The following RIF1 variants were observed in gnomAD, a reference collection of about 807,000 sequenced individuals.
The protein encoded by RIF1 is replication timing regulatory factor 1, also known as telomere-associated protein RIF1.
In RIF1, 45 loss-of-function variants were observed where a neutral mutation model predicts 247.1. The observed-to-expected ratio is 0.18, with a 90% confidence interval of 0.14 to 0.23. The LOEUF (loss-of-function observed/expected upper bound fraction) is 0.23, where lower values mean the gene tolerates loss of function less well. Among genes scored for constraint, RIF1 ranks in the 10% least tolerant of loss-of-function variants. The pLI is 1.00. For synonymous variants in RIF1, 1,087 were observed against 978.8 expected (o/e 1.11, Z -2.06); for missense variants, 2,967 against 2,862.5 (o/e 1.04, Z -0.83).
At chr2:151,501,015 C>T (rs906943880) in intron 11 of RIF1, among the ~76,000 whole-genome samples, 23 of 152,152 alleles carry the variant, frequency 1.5e-4, no homozygotes, top group Admixed American at 3.9e-4. Context: ...GCCACCATTT[C>T]TATATGTGGC....
In RIF1 at chr2:151,463,216, T is replaced by C. The variant is rs767094442; in HGVS notation, c.3696T>C (p.Asn1232=). Residue 1232 remains asparagine, a synonymous_variant, in exon 30 of 36, where the codon AAT becomes AAC. Transcript: ENST00000444746. ...ITLEKFDGSE[N]RPFSPSPLNN... Reference sequence around the variant, plus strand: ...TGGAGAAGTTTGATGGTTCAGAAAATAGACCTTTTAGTCCATCCCCCTTGA... The same window carrying C: ...TGGAGAAGTTTGATGGTTCAGAAAACAGACCTTTTAGTCCATCCCCCTTGA... The C allele has an allele frequency of 1.9e-6, 3 of 1,614,064 alleles. No individual in the cohort carries two copies. Among genetic ancestry groups the C allele is most frequent in the South Asian group, 1.1e-5 (1 of 91,070 alleles).
chr2:151,413,134 C>A (rs1686574733), intron 3 of RIF1, among the ~76,000 whole-genome samples: 1 of 151,614 alleles, frequency 6.6e-6, no homozygotes, highest in Admixed American at 6.6e-5. Flanking sequence ...TCAAGCCGTT[C>A]TCCTGCCTCA....
chr2:151,512,880 G>T, downstream of RIF1: 1 of 1,341,328 alleles, frequency 7.5e-7, no homozygotes, highest in Non-Finnish European at 1.1e-6. Context: ...TTTGCAATGT[G>T]CACAACAGTT....
chr2:151,525,110 T>C, the RIF1 span: 2 of 1,233,810 alleles, frequency 1.6e-6, no homozygotes, highest in Non-Finnish European at 2.4e-6. Flanking sequence ...TGCACCAATC[T>C]GGGTTCCACT....
intron 2 of RIF1, 52 bp from the exon 3 acceptor site, chr2:151,411,207 AT>A (rs66862523): frequency 0.39 from 322,817 of 837,258 alleles, 39,290 homozygotes; most frequent in Non-Finnish European, 0.41. Context: ...TTTTGAGAGT[AT>A]TTTTTTTTTT....
chr2:151,424,855 T>TC (rs1413380761), intron 8 of RIF1, among the ~76,000 whole-genome samples: 11 of 108,150 alleles, frequency 1.0e-4, no homozygotes, highest in Middle Eastern at 5.2e-3. Flanking sequence ...TTTTTTTTTT[T>TC]TCCATATTTT....
chr2:151,497,849 T>C (rs1429844658), intron 10 of RIF1: 3 of 1,517,806 alleles, frequency 2.0e-6, no homozygotes, highest in African/African-American at 2.8e-5. Flanking sequence ...TGCCACCGAC[T>C]ACTTTAGTGG....
rs2049180098 is a variant in RIF1, at chr2:151,481,826, TC to T, written c.*6756del. Reference sequence around the variant, plus strand: ...CATGCAAGAGATCTAGGTTGTGCGCTCATTATGAGAATCTAATACCCGATGA... The same window carrying T: ...CATGCAAGAGATCTAGGTTGTGCGCTATTATGAGAATCTAATACCCGATGA... On this transcript the variant is annotated 3_prime_UTR_variant, in exon 36 of 36. Transcript: ENST00000444746. 1 of 152,204 alleles carries T rather than the reference TC, an allele frequency of 6.6e-6. No individual in the cohort carries two copies. The highest frequency in any genetic ancestry group is 2.4e-5 in the African/African-American group (1 of 41,454). The allele number at this position is 152,204 out of a possible 1,614,324, so 9.4% of individuals were successfully genotyped here.
intron 4 of RIF1, 90 bp downstream of exon 4, chr2:151,415,009 T>C (rs1686940325): frequency 6.4e-6 from 5 of 784,112 alleles, no homozygotes; most frequent in East Asian, 2.7e-5. Context: ...AGTACTGTTA[T>C]GTCTGGATTA....
rs756503095 is a variant in RIF1, at chr2:151,465,149, T to G, written c.5629T>G (p.Leu1877Val). Residue 1877 changes from leucine (L) to valine (V), a missense_variant, in exon 30 of 36, where the codon TTG becomes GTG. By Grantham distance (32) the Leu-to-Val change is conservative (BLOSUM62 1). This residue lies in a region of RIF1 where 2,028 missense variants were observed against 1,825.6 expected (regional missense o/e 1.11). Transcript: ENST00000444746. ...GDSKNVSQES[L>V]ETKEEKPEET... ...CTCGAAAAATGTTTCACAGGAATCTTTGGAGACAAAAGAAGAAAAACCAGA... is the reference window on the plus strand; with the variant it reads ...CTCGAAAAATGTTTCACAGGAATCTGTGGAGACAAAAGAAGAAAAACCAGA... The G allele has an allele frequency of 1.2e-6, 2 of 1,613,620 alleles. No individual in the cohort carries two copies. Among genetic ancestry groups the G allele is most frequent in the African/African-American group, 2.7e-5 (2 of 74,948 alleles).
chr2:151,416,558 CA>C lies in RIF1; in HGVS notation c.281-2del. 1 of 1,581,614 alleles carries C rather than the reference CA, an allele frequency of 6.3e-7. No individual in the cohort carries two copies. Among genetic ancestry groups the C allele is most frequent in the Non-Finnish European group, 8.6e-7 (1 of 1,169,120 alleles). ...TACAAAATTAAAACTGCTTGTTTTT[CA>C]GAGGCAAATGCTCTAGAATTGCTTT... On this transcript the variant is annotated splice_acceptor_variant, in intron 4 of 35. Coordinates refer to ENST00000444746, the MANE Select transcript of RIF1 (RefSeq NM_018151.5). LOFTEE classifies it high-confidence loss of function.
Position 151,463,849 on chromosome 2 carries a change from A to G in RIF1, c.4329A>G (p.Arg1443=), listed in dbSNP as rs370581551. The G allele has an allele frequency of 5.6e-5, 91 of 1,612,510 alleles. No homozygotes were observed. The highest frequency in any genetic ancestry group is 7.4e-5 in the Non-Finnish European group (87 of 1,179,706). ...DKENSHQKKE[R]RKEEEKPLQK... is the part of the protein sequence containing the mutation. The stretch of plus-strand genomic sequence containing the variant: ...AAAATAGTCATCAAAAAAAGGAACG[A>G]CGTAAGGAAGAAGAAAAACCTCTTC... The change falls in exon 30 of 36, where the codon CGA becomes CGG. Residue 1443 remains arginine (R), a synonymous_variant. Transcript: ENST00000444746.
downstream of RIF1, among the ~76,000 whole-genome samples, chr2:151,483,928 G>A (rs1481339159): frequency 6.6e-6 from 1 of 152,160 alleles, no homozygotes; most frequent in Non-Finnish European, 1.5e-5. Flanking sequence ...TGGAAAAATT[G>A]TCTTCCACAA....
In RIF1 at chr2:151,424,869, T is replaced by C. The variant is rs1688766145; in HGVS notation, c.786+1827T>C. ...TTTTTTTTTTTTTCCATATTTTTTG[T>C]AGAGACTGGGTTTTGCCGTGCTGCT... is the stretch of plus-strand genomic sequence containing the variant. On this transcript the variant is annotated intron_variant, in intron 8 of 35. Coordinates refer to ENST00000444746, the MANE Select transcript of RIF1 (RefSeq NM_018151.5). Among the ~76,000 whole-genome samples the C allele has an allele frequency of 2.9e-5, 4 of 137,978 alleles. No homozygotes were observed. In the Admixed American group the frequency reaches 3.3e-4, roughly 11 times the overall value. 90.5% of individuals were successfully genotyped at this position (137,978 alleles called of 152,430 possible). A position where few individuals can be genotyped will look rare whatever the true frequency, so the allele number is the denominator to read the frequency against.
intron 9 of RIF1, 114 bp downstream of exon 9, chr2:151,429,036 T>A (rs1689591323): frequency 1.6e-6 from 1 of 643,654 alleles, no homozygotes; most frequent in African/African-American, 1.8e-5. Flanking sequence ...AACTACTGAA[T>A]TATTTTCATT....
chr2:151,463,463 G>A lies in RIF1; in HGVS notation c.3943G>A (p.Glu1315Lys), dbSNP rs745850692. ...GAGATCTGAGCCGGAGAAAAATACT[G>A]AGGAATCTGTTGAAGGCATTGTAGT... ...LMRSEPEKNT[E>K]ESVEGIVVLE... is the part of the protein sequence containing the mutation. Residue 1315 changes from glutamate (E) to lysine (K), a missense_variant, in exon 30 of 36, where the codon GAG (glutamate) becomes AAG (lysine). Physicochemically the swap from Glu to Lys is moderately conservative, Grantham distance 56. This residue lies in a region of RIF1 where 2,028 missense variants were observed against 1,825.6 expected (regional missense o/e 1.11). Transcript: ENST00000444746. The A allele has an allele frequency of 1.9e-6, 3 of 1,613,946 alleles. No individual in the cohort carries two copies. The highest frequency in any genetic ancestry group is 2.2e-5 in the East Asian group (1 of 44,888).
rs946188918 is a variant in RIF1 at position 151,499,317 on chromosome 2, T to C, written c.*514-28T>C. The C allele has an allele frequency of 3.9e-6, 6 of 1,523,714 alleles. No homozygotes were observed. The highest frequency in any genetic ancestry group is 5.3e-6 in the Non-Finnish European group (6 of 1,132,082). The allele number at this position is 1,523,714 out of a possible 1,614,324, so 94.4% of individuals were successfully genotyped here. On this transcript the variant is annotated intron_variant and NMD_transcript_variant, in intron 10 of 13. Coordinates refer to the RIF1 transcript ENST00000454583. Reference sequence around the variant, plus strand: ...AAATACCGAACTAAAGTTTTCTTGATTGTGTTTGACTCTCTCCATCTCTGG... The same window carrying C: ...AAATACCGAACTAAAGTTTTCTTGACTGTGTTTGACTCTCTCCATCTCTGG...
chr2:151,421,443 C>G (rs1688149146), intron 7 of RIF1, among the ~76,000 whole-genome samples: 1 of 152,134 alleles, frequency 6.6e-6, no homozygotes, highest in South Asian at 2.1e-4. Context: ...TCTGGGAACT[C>G]TGGGCAGTAT....
At chr2:151,461,628 G>A (rs946906929) in intron 27 of RIF1, among the ~76,000 whole-genome samples, 4 of 151,990 alleles carry the variant, frequency 2.6e-5, no homozygotes, top group African/African-American at 7.3e-5. Context: ...TCCTGACCTC[G>A]TGATCTGCCC....
Sources: allele counts gnomAD v4.1 joint callset (sites outside exome capture counted in the v4.1 genomes callset), GRCh38; gene constraint gnomAD v4.1.1; regional missense constraint gnomAD v4.1.1; transcripts MANE v1.5; gene names NCBI Gene and HGNC (gene_info 2026-07-23, HGNC 2026-07-21).